HOOK3: variants seen among roughly 807,000 people sequenced by gnomAD.
The protein encoded by HOOK3 is protein Hook homolog 3.
A neutral mutation model predicts 116.3 loss-of-function variants in HOOK3; 24 were observed. That is an observed-to-expected ratio of 0.21 (90% CI 0.15 to 0.29). The LOEUF (loss-of-function observed/expected upper bound fraction) is 0.29, where lower values mean the gene tolerates loss of function less well. HOOK3 is among the 10% of genes least tolerant of loss of function. The pLI is 1.00. For synonymous variants in HOOK3, 275 were observed against 283.0 expected (o/e 0.97, Z 0.28); for missense variants, 632 against 830.2 (o/e 0.76, Z 2.93).
intron 4 of HOOK3, among the ~76,000 whole-genome samples, chr8:42,941,331 C>T (rs1439530110): frequency 6.7e-5 from 10 of 150,112 alleles, no homozygotes; most frequent in Non-Finnish European, 1.2e-4. Context: ...CTGGCTAACA[C>T]GGTGAAACCC....
intron 6 of HOOK3, among the ~76,000 whole-genome samples, chr8:42,956,110 T>C (rs1315496028): frequency 6.6e-6 from 1 of 152,132 alleles, no homozygotes; most frequent in African/African-American, 2.4e-5. Flanking sequence ...AACAGAAGAC[T>C]GGGGCCATTT....
intron 9 of HOOK3, among the ~76,000 whole-genome samples, chr8:42,964,775 C>T (rs1808600859): frequency 7.1e-6 from 1 of 140,316 alleles, no homozygotes. Flanking sequence ...TTCGGTGAGC[C>T]GAGATCGTGC....
chr8:42,966,721 C>T (rs905687222), intron 10 of HOOK3, 108 bp downstream of exon 10: 3 of 1,178,740 alleles, frequency 2.5e-6, no homozygotes, highest in South Asian at 3.0e-5. Context: ...GGGCTGGGAT[C>T]CCGGGTCTAC....
rs765964862 is a variant in HOOK3, at chr8:42,962,717, GA to G, written c.616-1590del. Among the ~76,000 whole-genome samples, 171 of 150,578 alleles carry G rather than the reference GA, an allele frequency of 1.1e-3. 1 individual carries two copies. Among genetic ancestry groups the G allele is most frequent in the Non-Finnish European group, 1.9e-3 (129 of 67,670 alleles). On this transcript the variant is annotated intron_variant, in intron 8 of 21. Coordinates refer to ENST00000307602, the MANE Select transcript of HOOK3 (RefSeq NM_032410.4). ...ACCATGCCAGCCATGTTTATGTTTT[GA>G]AAATTAGATTCTTTTTGTCTGTGTG...
rs182938417 is a variant in HOOK3, at chr8:42,922,622, G to C, written c.144-2935G>C. Among the ~76,000 whole-genome samples, 619 of 151,832 alleles carry C rather than the reference G, an allele frequency of 4.1e-3. 6 individuals are homozygous for C. The highest frequency in any genetic ancestry group is 0.015 in the African/African-American group (601 of 41,394). On this transcript the variant is annotated intron_variant, in intron 2 of 21. Coordinates refer to ENST00000307602, the MANE Select transcript of HOOK3 (RefSeq NM_032410.4). The stretch of plus-strand genomic sequence containing the variant: ...TCAAGAAAGTGGAAAAACATGGCCG[G>C]GCATAGTGGCTCAAGCCTCTAATCC...
At chr8:42,969,845 TTATATGTTC>T (rs151316495) in intron 11 of HOOK3, among the ~76,000 whole-genome samples, 2,322 of 152,334 alleles carry the variant, frequency 0.015, 30 homozygotes, top group Non-Finnish European at 0.022. Flanking sequence ...TAAAGGTTGT[TTATATGTTC>T]TAGATGTTCT....
chr8:42,906,154 CCT>C lies in HOOK3; in HGVS notation c.58-16_58-15del, dbSNP rs759445264. 40 of 1,103,278 alleles carry C rather than the reference CCT, an allele frequency of 3.6e-5. No individual in the cohort carries two copies. The highest frequency in any genetic ancestry group is 4.4e-5 in the Non-Finnish European group (33 of 745,308). 68.3% of individuals were successfully genotyped at this position (1,103,278 alleles called of 1,614,324 possible). The stretch of plus-strand genomic sequence containing the variant: ...GTAACCACAGAATCTCTCCCCCCCC[CCT>C]CTTTTTTTCCCTTCAGATCCAGACA... On this transcript the variant is annotated splice_polypyrimidine_tract_variant and intron_variant, in intron 1 of 21. Transcript: ENST00000307602.
At chr8:42,905,226 A>C (rs576352600) in intron 1 of HOOK3, among the ~76,000 whole-genome samples, 2 of 150,550 alleles carry the variant, frequency 1.3e-5, no homozygotes, top group East Asian at 2.0e-4. Context: ...AAATGAATTC[A>C]TCTCACATAC....
chr8:42,964,793 C>G (rs929192729), intron 9 of HOOK3, among the ~76,000 whole-genome samples: 2 of 151,080 alleles, frequency 1.3e-5, no homozygotes, highest in African/African-American at 2.4e-5. Flanking sequence ...TGCCACTGCA[C>G]CCCAGCCTGG....
At chr8:42,978,567 C>T (rs1808872493) in intron 13 of HOOK3, among the ~76,000 whole-genome samples, 1 of 152,122 alleles carries the variant, frequency 6.6e-6, no homozygotes, top group African/African-American at 2.4e-5. Flanking sequence ...CCTGCCACCA[C>T]ACCCGGCTAG....
chr8:42,980,617 A>G (rs1382934000), intron 13 of HOOK3, among the ~76,000 whole-genome samples: 1 of 152,070 alleles, frequency 6.6e-6, no homozygotes, highest in East Asian at 1.9e-4. Flanking sequence ...GGCCTGGTGC[A>G]GTGGCTCACA....
chr8:42,981,311 C>G (rs1808938406), intron 13 of HOOK3, among the ~76,000 whole-genome samples: 1 of 151,884 alleles, frequency 6.6e-6, no homozygotes, highest in South Asian at 2.1e-4. Flanking sequence ...CCTCGGCCTC[C>G]CAAAGTGCTG....
At chr8:43,001,532 C>T (rs1333355418) in intron 16 of HOOK3, among the ~76,000 whole-genome samples, 2 of 151,544 alleles carry the variant, frequency 1.3e-5, no homozygotes, top group African/African-American at 4.8e-5. Flanking sequence ...ATTTTGATCT[C>T]CTGCTTTTCA....
At chr8:42,936,375 C>G (rs1328574698) in intron 4 of HOOK3, among the ~76,000 whole-genome samples, 1 of 152,112 alleles carries the variant, frequency 6.6e-6, no homozygotes, top group East Asian at 1.9e-4. Context: ...TTTGAATATC[C>G]TTTATTTCTT....
chr8:42,915,523 C>A (rs1807516338), intron 2 of HOOK3, among the ~76,000 whole-genome samples: 1 of 152,150 alleles, frequency 6.6e-6, no homozygotes, highest in African/African-American at 2.4e-5. Context: ...CCTCCACTTT[C>A]CAGGTTCAAG....
intron 1 of HOOK3, among the ~76,000 whole-genome samples, chr8:42,897,479 G>A (rs1295584575): frequency 6.6e-6 from 1 of 152,176 alleles, no homozygotes; most frequent in Non-Finnish European, 1.5e-5. Context: ...GGGGGTGGCC[G>A]AGCCTGACTG....
chr8:42,904,789 A>G (rs778424988), intron 1 of HOOK3, among the ~76,000 whole-genome samples: 3 of 151,988 alleles, frequency 2.0e-5, no homozygotes, highest in Non-Finnish European at 2.9e-5. Context: ...TCTTCCTCCA[A>G]TTCTTACCCC....
chr8:42,900,270 C>CT (rs892603200), intron 1 of HOOK3, among the ~76,000 whole-genome samples: 1 of 152,186 alleles, frequency 6.6e-6, no homozygotes, highest in African/African-American at 2.4e-5. Context: ...TCTCCACCCT[C>CT]TGAGTCAAAA....
Position 42,925,731 on chromosome 8 carries a change from G to C in HOOK3, c.216+102G>C, listed in dbSNP as rs564665864. On this transcript the variant is annotated intron_variant, in intron 3 of 21. Coordinates refer to ENST00000307602, the MANE Select transcript of HOOK3 (RefSeq NM_032410.4). ...GTGTCCAGTGAGCTTTAGAAGCTTAGGTAGCCTGTAATGAAATAATGTAGA... is the reference window on the plus strand; with the variant it reads ...GTGTCCAGTGAGCTTTAGAAGCTTACGTAGCCTGTAATGAAATAATGTAGA... The C allele has an allele frequency of 3.4e-5, 24 of 700,772 alleles. No homozygotes were observed. In the South Asian group the frequency reaches 4.0e-4, roughly 12 times the overall value. The allele number at this position is 700,772 out of a possible 1,614,324, so 43.4% of individuals were successfully genotyped here.
Sources: allele counts gnomAD v4.1 joint callset (sites outside exome capture counted in the v4.1 genomes callset), GRCh38; gene constraint gnomAD v4.1.1; transcripts MANE v1.5; gene names NCBI Gene and HGNC (gene_info 2026-07-23, HGNC 2026-07-21).